FAM193A: variants seen among roughly 807,000 people sequenced by gnomAD.
FAM193A encodes protein FAM193A.
A neutral mutation model predicts 126.5 loss-of-function variants in FAM193A; 22 were observed. That is an observed-to-expected ratio of 0.17 (90% confidence interval 0.12 to 0.25). FAM193A has a LOEUF of 0.25. FAM193A is among the 10% of genes least tolerant of loss of function. The probability of loss-of-function intolerance (pLI) is 1.00; values close to 1 mark genes in which losing one functional copy is unlikely to be tolerated. For synonymous variants in FAM193A, 761 were observed against 646.8 expected, an observed-to-expected ratio of 1.18 and a Z score of -2.68; for missense variants, 1,675 against 1,672.8, an observed-to-expected ratio of 1.00 and a Z score of -0.02.
At chr4:2,592,748 G>C (rs1223182431) in intron 1 of FAM193A, among the ~76,000 whole-genome samples, 1 of 152,182 alleles carries the variant, frequency 6.6e-6, no homozygotes, top group Admixed American at 6.5e-5. Flanking sequence ...AGAGAGGAGA[G>C]AGCTGCAAAG....
At position 2,610,786 on chromosome 4, in the gene FAM193A, G is replaced by A. The variant is rs1053102341; in HGVS notation, c.501+14457G>A. Among the ~76,000 whole-genome samples, 73 of 151,918 alleles carry A rather than the reference G, an allele frequency of 4.8e-4. 1 individual carries two copies. Among genetic ancestry groups the A allele is most frequent in the Non-Finnish European group, 2.6e-4 (18 of 67,996 alleles). On this transcript the variant is annotated intron_variant, in intron 2 of 20. Transcript: ENST00000637812. ...GAGTTTCGCTCTTGTCACCCAGGCT[G>A]GAGTGCAATGGCGCGATCTCGGCTC...
intron 7 of FAM193A, among the ~76,000 whole-genome samples, chr4:2,651,909 T>C (rs1745708514): frequency 6.6e-6 from 1 of 152,066 alleles, no homozygotes; most frequent in African/African-American, 2.4e-5. Flanking sequence ...CCCGTGTAGA[T>C]GTGTGTGATC....
chr4:2,635,341 A>G (rs904576292), intron 5 of FAM193A, among the ~76,000 whole-genome samples: 8 of 152,126 alleles, frequency 5.3e-5, no homozygotes, highest in African/African-American at 1.9e-4. Context: ...AGGACCCCGA[A>G]GTGTGCTTTT....
intron 6 of FAM193A, among the ~76,000 whole-genome samples, chr4:2,645,313 T>C (rs1416755433): frequency 6.6e-6 from 1 of 152,178 alleles, no homozygotes; most frequent in Non-Finnish European, 1.5e-5. Context: ...ATTAGGAACA[T>C]GAATTTTTTC....
intron 16 of FAM193A, 66 bp from the exon 17 acceptor site, chr4:2,694,880 G>A: frequency 1.4e-6 from 2 of 1,396,752 alleles, no homozygotes; most frequent in Non-Finnish European, 2.0e-6. Context: ...GTGGTCATGT[G>A]CAACAATGTG....
Position 2,579,636 on chromosome 4 carries a change from C to T in FAM193A, c.256-16448C>T, listed in dbSNP as rs554252178. Among the ~76,000 whole-genome samples, 7 of 152,104 alleles carry T rather than the reference C, an allele frequency of 4.6e-5. No homozygotes were observed. In the South Asian group the frequency reaches 1.0e-3, roughly 23 times the overall value. ...ATTGCTTAAGCTTGGGGAGTTGCAG[C>T]GGCAGAGACCAGTGATCATGCCACT... On this transcript the variant is annotated intron_variant, in intron 1 of 20. Coordinates refer to ENST00000637812, the MANE Select transcript of FAM193A (RefSeq NM_001366318.2).
intron 5 of FAM193A, among the ~76,000 whole-genome samples, chr4:2,632,885 G>T (rs1743735580): frequency 6.6e-6 from 1 of 152,098 alleles, no homozygotes; most frequent in Non-Finnish European, 1.5e-5. Flanking sequence ...AAGAACACTG[G>T]CTCAGGTTAA....
At chr4:2,609,977 A>G (rs1046227082) in intron 2 of FAM193A, among the ~76,000 whole-genome samples, 28 of 151,768 alleles carry the variant, frequency 1.8e-4, no homozygotes, top group Admixed American at 1.7e-3. Flanking sequence ...CACTCCTGTA[A>G]TCCCAGCATT....
chr4:2,579,377 T>C (rs1739791412), intron 1 of FAM193A, among the ~76,000 whole-genome samples: 1 of 151,848 alleles, frequency 6.6e-6, no homozygotes, highest in South Asian at 2.1e-4. Context: ...TACGCGCCTG[T>C]AATCCTAGCA....
chr4:2,718,026 G>A (rs1192910678), intron 20 of FAM193A, among the ~76,000 whole-genome samples: 2 of 152,062 alleles, frequency 1.3e-5, no homozygotes, highest in African/African-American at 2.4e-5. Flanking sequence ...GCGGGATATC[G>A]AAAAACGTTA....
chr4:2,549,151 C>G (rs868649823), intron 1 of FAM193A, among the ~76,000 whole-genome samples: 1 of 151,700 alleles, frequency 6.6e-6, no homozygotes, highest in Admixed American at 6.6e-5. Context: ...GTTGGCCATG[C>G]TCGTCTTGAA....
intron 17 of FAM193A, among the ~76,000 whole-genome samples, chr4:2,695,939 C>A (rs1435466889): frequency 3.9e-5 from 6 of 151,910 alleles, no homozygotes; most frequent in Non-Finnish European, 5.9e-5. Context: ...GACAGCACAC[C>A]CCTGCTTGAG....
intron 15 of FAM193A, among the ~76,000 whole-genome samples, chr4:2,691,951 A>G (rs6605350): frequency 0.84 from 127,429 of 151,992 alleles, 53,952 homozygotes; most frequent in African/African-American, 0.96. Flanking sequence ...AGCATGCTGC[A>G]CCCCCAGGGT....
chr4:2,586,114 A>G (rs921366911), intron 1 of FAM193A, among the ~76,000 whole-genome samples: 3 of 151,940 alleles, frequency 2.0e-5, no homozygotes, highest in South Asian at 4.2e-4. Context: ...GTGGTGGTGC[A>G]TGCCAGTAAT....
chr4:2,728,413 T>C (rs1401204737), intron 20 of FAM193A, among the ~76,000 whole-genome samples: 1 of 152,046 alleles, frequency 6.6e-6, no homozygotes, highest in African/African-American at 2.4e-5. Flanking sequence ...ACTAGTCCCA[T>C]GGGCAGTTTC....
At chr4:2,546,578 A>T (rs1276560600) in intron 1 of FAM193A, among the ~76,000 whole-genome samples, 1 of 152,178 alleles carries the variant, frequency 6.6e-6, no homozygotes, top group Non-Finnish European at 1.5e-5. Context: ...TTTGAGATTC[A>T]TCCAAGTTGT....
At chr4:2,669,330 T>A (rs1015125713) in intron 12 of FAM193A, among the ~76,000 whole-genome samples, 1 of 152,126 alleles carries the variant, frequency 6.6e-6, no homozygotes, top group Non-Finnish European at 1.5e-5. Flanking sequence ...TTTTAAAAAA[T>A]AGACCAGGCA....
chr4:2,622,137 G>A lies in FAM193A; in HGVS notation c.502-3125G>A, dbSNP rs1047596102. Among the ~76,000 whole-genome samples, 21 of 151,864 alleles carry A rather than the reference G, an allele frequency of 1.4e-4. 1 individual carries two copies. Among genetic ancestry groups the A allele is most frequent in the African/African-American group, 4.6e-4 (19 of 41,410 alleles). ...CCAGGTGTGGTGGCGCATGCCTTTG[G>A]TCCCAGCTACTCAGGAGGCTGAGGT... On this transcript the variant is annotated intron_variant, in intron 2 of 20. Transcript: ENST00000637812.
rs33958851 is a variant in FAM193A at position 2,664,558 on chromosome 4, C to CTTTTTTTTTTTTTT, written c.2079+1283_2079+1296dup. Among the ~76,000 whole-genome samples, 72 of 73,098 alleles carry CTTTTTTTTTTTTTT rather than the reference C, an allele frequency of 9.8e-4. 2 individuals carry two copies. Among genetic ancestry groups the CTTTTTTTTTTTTTT allele is most frequent in the Non-Finnish European group, 1.3e-3 (49 of 38,276 alleles). 48.0% of individuals were successfully genotyped at this position (73,098 alleles called of 152,430 possible). ...ACCTTTCTCTCTCTCTATTTTCTTT[C>CTTTTTTTTTTTTTT]TTTTTTTTTTTTTTTTTTTTTTTTT... On this transcript the variant is annotated intron_variant, in intron 12 of 20. Coordinates refer to ENST00000637812, the MANE Select transcript of FAM193A (RefSeq NM_001366318.2).
Sources: allele counts gnomAD v4.1 joint callset (sites outside exome capture counted in the v4.1 genomes callset), GRCh38; gene constraint gnomAD v4.1.1; transcripts MANE v1.5; gene names NCBI Gene and HGNC (gene_info 2026-07-23, HGNC 2026-07-21).